Variants in ANKH observed in about 807,000 individuals in gnomAD.
ANKH encodes mineralization regulator ANKH.
ANKH carries 15 observed loss-of-function variants against 49.0 expected under a neutral mutation model. That is an observed-to-expected ratio of 0.31 (90% CI 0.20 to 0.47). ANKH has a LOEUF of 0.47. ANKH is among the 20% of genes least tolerant of loss of function. The probability of loss-of-function intolerance (pLI) is 1.00; values close to 1 mark genes in which losing one functional copy is unlikely to be tolerated. For missense variants in ANKH, 429 were observed against 652.0 expected (o/e 0.66, Z 3.72); for synonymous variants, 273 against 260.0 (o/e 1.05, Z -0.48).
intron 1 of ANKH, among the ~76,000 whole-genome samples, chr5:14,821,006 G>C (rs1401664387): frequency 6.6e-6 from 1 of 151,936 alleles, no homozygotes; most frequent in Admixed American, 6.6e-5. Flanking sequence ...GCTCAGGTGG[G>C]AGGATTGCTT....
chr5:14,737,736 TC>T lies in ANKH; in HGVS notation c.1011+4090del, dbSNP rs1322581578. ...GCCACATATATTTTTGAAATGTGCT[TC>T]CCTTCACCCCAAACAGCTGCTTGTC... On this transcript the variant is annotated intron_variant, in intron 8 of 11. Transcript: ENST00000284268. This position sits in a 1 kb window ranked among gnomAD's most constrained non-coding sequence, Gnocchi z 5.0. 6.6e-6 allele frequency among the ~76,000 whole-genome samples: 1 copy of T among 152,248 alleles called. No individual in the cohort carries two copies. Among genetic ancestry groups the T allele is most frequent in the Non-Finnish European group, 1.5e-5 (1 of 68,038 alleles).
chr5:14,848,884 G>A (rs1742045470), intron 1 of ANKH, among the ~76,000 whole-genome samples: 1 of 152,168 alleles, frequency 6.6e-6, no homozygotes, highest in South Asian at 2.1e-4. Context: ...AGACCCACCG[G>A]TAACAGCAAT....
intron 1 of ANKH, among the ~76,000 whole-genome samples, chr5:14,807,065 T>C (rs1561064355): frequency 6.6e-6 from 1 of 152,062 alleles, no homozygotes; most frequent in Non-Finnish European, 1.5e-5. Context: ...GAGTCCTAGC[T>C]AATCAGTTAT....
At chr5:14,787,293 A>G (rs1740010306) in intron 1 of ANKH, among the ~76,000 whole-genome samples, 1 of 151,974 alleles carries the variant, frequency 6.6e-6, no homozygotes, top group Non-Finnish European at 1.5e-5. Flanking sequence ...CAGCCTGGGC[A>G]ACAGAGCAAG....
chr5:14,799,120 A>T (rs1180743847), intron 1 of ANKH, among the ~76,000 whole-genome samples: 2 of 152,260 alleles, frequency 1.3e-5, no homozygotes, highest in Admixed American at 1.3e-4. Flanking sequence ...TCTGGAAAGA[A>T]GATCAAACCA....
At chr5:14,858,129 C>CT (rs1442025768) in intron 1 of ANKH, among the ~76,000 whole-genome samples, 3 of 152,138 alleles carry the variant, frequency 2.0e-5, no homozygotes, top group African/African-American at 7.2e-5. Flanking sequence ...TTTTATTTCA[C>CT]TTTTTTCTAA....
At chr5:14,824,508 TA>T (rs1192962977) in intron 1 of ANKH, among the ~76,000 whole-genome samples, 49 of 152,178 alleles carry the variant, frequency 3.2e-4, no homozygotes, top group African/African-American at 1.2e-3. Flanking sequence ...AATCAAAGGG[TA>T]CCCTCAATAT....
Position 14,713,756 on chromosome 5 carries a change from C to A in ANKH, c.1142-89G>T. ...TGGACCAGGGCAGCACATCCGAGAG[C>A]CAGGGGCTGCCTAGGACCCTGGCCT... On this transcript the variant is annotated intron_variant, in intron 9 of 11. Transcript: ENST00000284268. The surrounding 1 kb of genome is among the most constrained non-coding windows in gnomAD (Gnocchi z 4.4). 1 of 1,583,926 alleles carries A rather than the reference C, an allele frequency of 6.3e-7. No individual in the cohort carries two copies.
intron 7 of ANKH, among the ~76,000 whole-genome samples, chr5:14,744,657 C>T (rs757161042): frequency 4.7e-4 from 72 of 152,348 alleles, no homozygotes; most frequent in Admixed American, 1.6e-3. Context: ...GTGATCACTC[C>T]AGGCTTGATC....
rs530363632 is a variant in ANKH, at chr5:14,820,772, G to A, written c.96+50580C>T. Among the ~76,000 whole-genome samples the A allele has an allele frequency of 2.6e-5, 4 of 152,318 alleles. No homozygotes were observed. The East Asian group carries it at 7.7e-4, about 29-fold the overall frequency. The stretch of plus-strand genomic sequence containing the variant: ...CTTAACTAAAGTTTGGTAAAGGAGA[G>A]AATTTTTGTCAGTTTCTACCATAAG... On this transcript the variant is annotated intron_variant, in intron 1 of 11. Transcript: ENST00000284268.
intron 8 of ANKH, among the ~76,000 whole-genome samples, chr5:14,728,672 G>T (rs2126442159): frequency 6.6e-6 from 1 of 152,328 alleles, no homozygotes; most frequent in East Asian, 1.9e-4. Context: ...TGGCTTGGGG[G>T]AAGGTTGCCA....
At position 14,711,205 on chromosome 5, in the gene ANKH, TCTC is replaced by T. The variant is rs121908408; in HGVS notation, c.1468_1470del (p.Glu490del). Reference sequence around the variant, plus strand: ...CCATGGCGTCCCGTGCCTTATTCATTCTCCTCTCTCATTTCCACGATGTCTGTC... The same window carrying T: ...CCATGGCGTCCCGTGCCTTATTCATTCTCTCTCATTTCCACGATGTCTGTC... On this transcript the variant is annotated inframe_deletion, in exon 12 of 12. Transcript: ENST00000284268. 40 of 1,613,966 alleles carry T rather than the reference TCTC, an allele frequency of 2.5e-5. No individual in the cohort carries two copies. Among genetic ancestry groups the T allele is most frequent in the Non-Finnish European group, 3.1e-5 (36 of 1,179,906 alleles).
intron 1 of ANKH, among the ~76,000 whole-genome samples, chr5:14,860,164 G>A (rs555961528): frequency 6.6e-6 from 1 of 152,342 alleles, no homozygotes; most frequent in East Asian, 1.9e-4. Context: ...CTTCTCAGGT[G>A]ATGCAAGGCT....
chr5:14,837,820 G>C (rs78521647), intron 1 of ANKH, among the ~76,000 whole-genome samples: 1 of 152,130 alleles, frequency 6.6e-6, no homozygotes, highest in Non-Finnish European at 1.5e-5. Context: ...AAGACACATG[G>C]ACACGTATGT....
At chr5:14,800,717 CA>C (rs1390478658) in intron 1 of ANKH, among the ~76,000 whole-genome samples, 2 of 148,468 alleles carry the variant, frequency 1.3e-5, no homozygotes, top group African/African-American at 5.1e-5. Context: ...GCAAATATAA[CA>C]TTTTTTTTCT....
At position 14,781,148 on chromosome 5, in the gene ANKH, C is replaced by A. The variant is rs1215937136; in HGVS notation, c.97-11957G>T. 2.6e-5 allele frequency among the ~76,000 whole-genome samples: 4 copies of A among 152,172 alleles called. No homozygotes were observed. The South Asian group carries it at 6.2e-4, about 24-fold the overall frequency. ...AAAAGTGGCTTGGGTTAAATTGGATCATTTGTCTTCCCGGTAGTTTTCCAG... is the reference window on the plus strand; with the variant it reads ...AAAAGTGGCTTGGGTTAAATTGGATAATTTGTCTTCCCGGTAGTTTTCCAG... On this transcript the variant is annotated intron_variant, in intron 1 of 11. Coordinates refer to ENST00000284268, the MANE Select transcript of ANKH (RefSeq NM_054027.6).
At chr5:14,752,507 T>C (rs1738753083) in intron 4 of ANKH, among the ~76,000 whole-genome samples, 1 of 152,334 alleles carries the variant, frequency 6.6e-6, no homozygotes, top group South Asian at 2.1e-4. Flanking sequence ...TTAACCTCCC[T>C]GTACTGCAGA....
intron 1 of ANKH, among the ~76,000 whole-genome samples, chr5:14,816,843 G>A (rs188311366): frequency 3.9e-5 from 6 of 152,186 alleles, no homozygotes; most frequent in Admixed American, 2.6e-4. Flanking sequence ...ACTCTCCCAC[G>A]GGGAAAAGAA....
chr5:14,864,883 G>GTATA (rs1735598876), intron 1 of ANKH, among the ~76,000 whole-genome samples: 1 of 152,012 alleles, frequency 6.6e-6, no homozygotes, highest in Admixed American at 6.6e-5. Context: ...TTATATGTGT[G>GTATA]TATATATAAT....
Sources: gnomAD v4.1 joint callset for allele counts (sites outside exome capture counted in the v4.1 genomes callset) on GRCh38, gnomAD v4.1.1 for gene constraint, Gnocchi (gnomAD v3.1) non-coding constraint, MANE v1.5 for transcripts, NCBI Gene and HGNC (gene_info 2026-07-23, HGNC 2026-07-21) for gene names.